Variants in NFKB1 observed in about 807,000 individuals in gnomAD.
NFKB1 encodes the protein nuclear factor kappa B subunit 1.
In NFKB1, 9 loss-of-function variants were observed where a neutral mutation model predicts 105.1. The observed-to-expected ratio is 0.09, with a 90% CI of 0.05 to 0.15. The LOEUF (loss-of-function observed/expected upper bound fraction) is 0.15. Ranked by LOEUF, NFKB1 falls within the 10% of genes least tolerant of loss-of-function variation. The pLI, the probability that NFKB1 is intolerant of heterozygous loss-of-function variation, is 1.00. For synonymous variants in NFKB1, 440 were observed against 442.2 expected (o/e 1.00, Z 0.06); for missense variants, 830 against 1,203.7 (o/e 0.69, Z 4.59).
At chr4:102,563,456 C>T (rs1234418140) in intron 5 of NFKB1, among the ~76,000 whole-genome samples, 1 of 151,660 alleles carries the variant, frequency 6.6e-6, no homozygotes, top group Non-Finnish European at 1.5e-5. Flanking sequence ...AAAAAAAAAA[C>T]TTTCAGGATG....
At chr4:102,567,199 A>G in intron 6 of NFKB1, 64 bp downstream of exon 6, 1 of 1,549,772 alleles carries the variant, frequency 6.5e-7, no homozygotes, top group Non-Finnish European at 8.8e-7. Flanking sequence ...GCAGGAACTT[A>G]GAATGAACAG....
intron 23 of NFKB1, among the ~76,000 whole-genome samples, chr4:102,614,366 G>A (rs759827657): frequency 2.0e-5 from 3 of 151,826 alleles, no homozygotes; most frequent in Non-Finnish European, 2.9e-5. Context: ...TGTACTAGCC[G>A]TTCCTCCTCC....
chr4:102,564,386 C>A (rs1291503240), intron 5 of NFKB1, among the ~76,000 whole-genome samples: 1 of 152,200 alleles, frequency 6.6e-6, no homozygotes, highest in Non-Finnish European at 1.5e-5. Flanking sequence ...ATATAACTTG[C>A]AAATAGTATC....
intron 5 of NFKB1, among the ~76,000 whole-genome samples, chr4:102,546,198 A>C (rs1287180077): frequency 6.6e-6 from 1 of 152,152 alleles, no homozygotes; most frequent in Non-Finnish European, 1.5e-5. Context: ...AAGCATATAG[A>C]TGTATCTTTA....
At chr4:102,544,511 G>C (rs946636480) in intron 5 of NFKB1, among the ~76,000 whole-genome samples, 2 of 152,114 alleles carry the variant, frequency 1.3e-5, no homozygotes, top group African/African-American at 4.8e-5. Context: ...AAAGAGAGAA[G>C]GCAATTCATT....
chr4:102,587,139 C>T (rs1725774554), intron 11 of NFKB1, among the ~76,000 whole-genome samples: 1 of 152,096 alleles, frequency 6.6e-6, no homozygotes, highest in Non-Finnish European at 1.5e-5. Flanking sequence ...GGTGAAGGGC[C>T]CTGCCAGCTC....
chr4:102,505,187 C>T (rs1739347315), intron 1 of NFKB1, among the ~76,000 whole-genome samples: 1 of 152,124 alleles, frequency 6.6e-6, no homozygotes, highest in Non-Finnish European at 1.5e-5. Context: ...ATAAGTTGTG[C>T]AAATTGCATT....
intron 6 of NFKB1, among the ~76,000 whole-genome samples, chr4:102,568,043 G>A (rs1458361576): frequency 6.6e-6 from 1 of 152,134 alleles, no homozygotes; most frequent in Non-Finnish European, 1.5e-5. Flanking sequence ...AGTTTATGCT[G>A]AAATCCCAGT....
chr4:102,610,727 C>T (rs1352295900), intron 20 of NFKB1, 28 bp downstream of exon 20: 4 of 1,611,252 alleles, frequency 2.5e-6, no homozygotes, highest in Non-Finnish European at 3.4e-6. Flanking sequence ...TGTCTGATGG[C>T]TGCCCCTGAG....
At chr4:102,523,500 G>A (rs1026979317) in intron 1 of NFKB1, among the ~76,000 whole-genome samples, 3 of 152,146 alleles carry the variant, frequency 2.0e-5, no homozygotes, top group African/African-American at 7.2e-5. Context: ...CTTTTTTGGA[G>A]GGCTTTGTGC....
At position 102,606,607 on chromosome 4, in the gene NFKB1, C is replaced by T. The variant is rs201559647; in HGVS notation, c.1864C>T (p.Leu622=). 1 of 1,614,062 alleles carries T rather than the reference C, an allele frequency of 6.2e-7. No homozygotes were observed. Among genetic ancestry groups the T allele is most frequent in the Non-Finnish European group, 8.5e-7 (1 of 1,180,046 alleles). Residue 622 remains leucine (L), a synonymous_variant, in exon 17 of 24, where the codon CTA becomes TTA. Transcript: ENST00000226574. ...LDRLGNSVLH[L]AAKEGHDKVL... ...CCGCTTGGGTAACTCTGTTTTGCAC[C>T]TAGCTGCCAAAGAAGGACATGATAA...
chr4:102,514,034 G>A (rs1042363396), intron 1 of NFKB1, among the ~76,000 whole-genome samples: 1 of 151,894 alleles, frequency 6.6e-6, no homozygotes, highest in Non-Finnish European at 1.5e-5. Context: ...ACTTAGCCAG[G>A]CGTTGTGGTG....
chr4:102,587,966 C>G (rs1725851084), intron 11 of NFKB1, among the ~76,000 whole-genome samples: 1 of 152,172 alleles, frequency 6.6e-6, no homozygotes, highest in African/African-American at 2.4e-5. Context: ...ATTGAACACA[C>G]TTTTCCTTAC....
At chr4:102,504,610 G>A (rs888518934) in intron 1 of NFKB1, among the ~76,000 whole-genome samples, 1 of 152,146 alleles carries the variant, frequency 6.6e-6, no homozygotes, top group Non-Finnish European at 1.5e-5. Flanking sequence ...ACTACGTCTT[G>A]GTAAACAGTA....
chr4:102,543,884 G>A (rs887407776), intron 5 of NFKB1, among the ~76,000 whole-genome samples: 1 of 152,122 alleles, frequency 6.6e-6, no homozygotes, highest in Non-Finnish European at 1.5e-5. Flanking sequence ...ATAGAACCTA[G>A]TTCATATCAT....
At chr4:102,589,894 A>G (rs1395881329) in intron 11 of NFKB1, among the ~76,000 whole-genome samples, 2 of 152,312 alleles carry the variant, frequency 1.3e-5, no homozygotes, top group South Asian at 4.1e-4. Context: ...AGAACACAGT[A>G]ACACCACATA....
intron 12 of NFKB1, among the ~76,000 whole-genome samples, chr4:102,594,677 T>C (rs566364262): frequency 6.6e-6 from 1 of 152,258 alleles, no homozygotes; most frequent in South Asian, 2.1e-4. Flanking sequence ...TGGGGTGCTG[T>C]CAGAGTTGCC....
chr4:102,537,394 A>G (rs190249136), intron 4 of NFKB1, among the ~76,000 whole-genome samples: 9 of 152,332 alleles, frequency 5.9e-5, no homozygotes, highest in Middle Eastern at 3.4e-3. Flanking sequence ...CTAAATAAAC[A>G]TGTCTGTAGT....
intron 5 of NFKB1, among the ~76,000 whole-genome samples, chr4:102,565,104 G>A (rs1723749412): frequency 6.6e-6 from 1 of 151,846 alleles, no homozygotes; most frequent in East Asian, 1.9e-4. Context: ...TTGTTAAAGG[G>A]AAAGCACTGA....
Sources: gnomAD v4.1 joint callset for allele counts (sites outside exome capture counted in the v4.1 genomes callset) on GRCh38, gnomAD v4.1.1 for gene constraint, MANE v1.5 for transcripts, NCBI Gene and HGNC (gene_info 2026-07-23, HGNC 2026-07-21) for gene names.